PLEKHM2: variants seen among roughly 807,000 people sequenced by gnomAD.
The protein encoded by PLEKHM2 is pleckstrin homology and RUN domain containing M2.
Under a neutral mutation model 116.3 loss-of-function variants are expected in PLEKHM2, and 77 were observed. The observed-to-expected ratio is 0.66, with a 90% CI of 0.55 to 0.80. PLEKHM2 has a LOEUF of 0.80. Ranked by LOEUF, PLEKHM2 falls within the 30% of genes least tolerant of loss-of-function variation. The pLI is 0.00. For synonymous variants in PLEKHM2, 562 were observed against 571.0 expected (o/e 0.98, Z 0.22); for missense variants, 1,183 against 1,354.9 (o/e 0.87, Z 1.99).
Position 15,734,680 on chromosome 1 carries a change from C to T in PLEKHM2, c.*746C>T, listed in dbSNP as rs1231355052. ...CCTGCTTGGCTGGAGCCAGGCCCTT[C>T]CCTAGAGTTTCGTCAAGAGCCTCCT... is the stretch of plus-strand genomic sequence containing the variant. On this transcript the variant is annotated 3_prime_UTR_variant, in exon 20 of 20. Coordinates refer to ENST00000375799, the MANE Select transcript of PLEKHM2 (RefSeq NM_015164.4). 1 of 152,156 alleles carries T rather than the reference C, an allele frequency of 6.6e-6. No individual in the cohort carries two copies. Among genetic ancestry groups the T allele is most frequent in the South Asian group, 2.1e-4 (1 of 4,824 alleles). 9.4% of individuals were successfully genotyped at this position (152,156 alleles called of 1,614,324 possible). A position where few individuals can be genotyped will look rare whatever the true frequency, so the allele number is the denominator to read the frequency against.
chr1:15,717,711 C>T (rs1322785611), intron 3 of PLEKHM2, among the ~76,000 whole-genome samples, 182 bp from the exon 4 acceptor site: 8 of 152,222 alleles, frequency 5.3e-5, no homozygotes, highest in African/African-American at 1.9e-4. Flanking sequence ...TGGCCAGCTA[C>T]ATGCTGAGGT....
At position 15,734,026 on chromosome 1, in the gene PLEKHM2, C is replaced by G; in HGVS notation, c.*92C>G. 7.1e-7 allele frequency: 1 copy of G among 1,404,746 alleles called. No homozygotes were observed. Among genetic ancestry groups the G allele is most frequent in the South Asian group, 1.4e-5 (1 of 73,750 alleles). The allele number at this position is 1,404,746 out of a possible 1,614,324, so 87.0% of individuals were successfully genotyped here. ...ACGGCTGTTGTCATGCTGTCGGGAG[C>G]CTACAGTCCACCCCTGCCCTGGGCG... On this transcript the variant is annotated 3_prime_UTR_variant, in exon 20 of 20. Transcript: ENST00000375799.
upstream of PLEKHM2, among the ~76,000 whole-genome samples, chr1:15,683,687 G>GC (rs1343336341): frequency 6.7e-6 from 1 of 148,776 alleles, no homozygotes; most frequent in Non-Finnish European, 1.5e-5. Context: ...AGGGCTGGGG[G>GC]CCCAGGGTCT....
At position 15,702,035 on chromosome 1, in the gene PLEKHM2, G is replaced by A. The variant is rs542567835; in HGVS notation, c.61-14202G>A. On this transcript the variant is annotated intron_variant, in intron 1 of 19. Coordinates refer to ENST00000375799, the MANE Select transcript of PLEKHM2 (RefSeq NM_015164.4). ...GCCCTTCTCCAGCTGTCACTGATACGGACGGGTCGCCCAAAGGTAAATGAC... is the reference window on the plus strand; with the variant it reads ...GCCCTTCTCCAGCTGTCACTGATACAGACGGGTCGCCCAAAGGTAAATGAC... Among the ~76,000 whole-genome samples, 5 of 152,294 alleles carry A rather than the reference G, an allele frequency of 3.3e-5. No individual in the cohort carries two copies. The South Asian group carries it at 1.0e-3, about 32-fold the overall frequency.
At chr1:15,724,012 A>G (rs1171260671) in intron 7 of PLEKHM2, among the ~76,000 whole-genome samples, 1 of 152,118 alleles carries the variant, frequency 6.6e-6, no homozygotes, top group Non-Finnish European at 1.5e-5. Flanking sequence ...GGTGGCTCCC[A>G]TCTGCCACTG....
chr1:15,722,722 C>T (rs76406711), intron 7 of PLEKHM2: 16 of 152,326 alleles, frequency 1.1e-4, no homozygotes, highest in African/African-American at 3.8e-4. Flanking sequence ...CCAAGAGTAG[C>T]ATTGAAGGGT....
intron 1 of PLEKHM2, among the ~76,000 whole-genome samples, chr1:15,712,137 AAAG>A (rs1189717311): frequency 2.0e-5 from 3 of 151,804 alleles, no homozygotes; most frequent in Admixed American, 6.6e-5. Flanking sequence ...AAAAAAAAAA[AAAG>A]AGCTGCAACA....
At position 15,731,989 on chromosome 1, in the gene PLEKHM2, G is replaced by A. The variant is rs145743094; in HGVS notation, c.2566G>A (p.Glu856Lys). 1,070 of 1,612,454 alleles carry A rather than the reference G, an allele frequency of 6.6e-4. 1 individual carries two copies. The highest frequency in any genetic ancestry group is 8.6e-4 in the Non-Finnish European group (1,020 of 1,179,692). Residue 856 changes from glutamate to lysine, a missense_variant, in exon 17 of 20, where the codon GAG becomes AAG. Glu to Lys is a moderately conservative substitution (Grantham distance 56). Around this residue, in one of 3 missense-constraint regions of PLEKHM2, gnomAD observed 594 missense variants for 720.1 expected, o/e 0.82. Coordinates refer to ENST00000375799, the MANE Select transcript of PLEKHM2 (RefSeq NM_015164.4). ...SDRPCLELSA[E>K]SEAEMAEWMQ... ...CCGGCCCTGCCTGGAGCTAAGTGCC[G>A]AGAGCGAGGCCGAGATGGCCGAGTG...
At chr1:15,686,024 C>T (rs1010819466) in intron 1 of PLEKHM2, among the ~76,000 whole-genome samples, 2 of 152,104 alleles carry the variant, frequency 1.3e-5, no homozygotes, top group African/African-American at 2.4e-5. Context: ...GTAGGCCCGG[C>T]GTTTGTCTTT....
Position 15,734,087 on chromosome 1 carries a change from TC to T in PLEKHM2, c.*155del. The T allele has an allele frequency of 1.2e-6, 1 of 813,758 alleles. No homozygotes were observed. The highest frequency in any genetic ancestry group is 1.9e-6 in the Non-Finnish European group (1 of 539,294). The allele number at this position is 813,758 out of a possible 1,614,324, so 50.4% of individuals were successfully genotyped here. On this transcript the variant is annotated 3_prime_UTR_variant, in exon 20 of 20. Transcript: ENST00000375799. ...CGAGTGTGGCTTAAGACAGGGTCCC[TC>T]CACTCCAGGGATCCAGATCAGGTGC...
chr1:15,724,500 A>G (rs2068035900), intron 7 of PLEKHM2, among the ~76,000 whole-genome samples: 2 of 151,190 alleles, frequency 1.3e-5, no homozygotes, highest in Non-Finnish European at 2.9e-5. Flanking sequence ...AAAAAAAGAA[A>G]GAAATGGAGT....
intron 7 of PLEKHM2, 105 bp from the exon 8 acceptor site, chr1:15,725,212 G>A: frequency 2.6e-6 from 2 of 760,564 alleles, no homozygotes; most frequent in Non-Finnish European, 2.2e-6. Flanking sequence ...GTTTCCCTGG[G>A]AGGAACTGGC....
Position 15,728,426 on chromosome 1 carries a change from C to A in PLEKHM2, c.1921+69C>A. The stretch of plus-strand genomic sequence containing the variant: ...GACTCTCAGCCCCTTTTCCCCAGTC[C>A]CCTTGCCCTCTGAGTGCCTCCCGGC... On this transcript the variant is annotated intron_variant, in intron 11 of 19. Transcript: ENST00000375799. The surrounding 1 kb of genome is among the most constrained non-coding windows in gnomAD (Gnocchi z 5.9). The A allele has an allele frequency of 2.1e-6, 3 of 1,408,092 alleles. No homozygotes were observed. Among genetic ancestry groups the A allele is most frequent in the Non-Finnish European group, 3.0e-6 (3 of 1,016,314 alleles). The allele number at this position is 1,408,092 out of a possible 1,614,324, so 87.2% of individuals were successfully genotyped here. A position where few individuals can be genotyped will look rare whatever the true frequency, so the allele number is the denominator to read the frequency against.
rs780487076 is a variant in PLEKHM2, at chr1:15,719,809, C to T, written c.541C>T (p.Arg181Cys). ...KPQYLLDFED[R>C]LPSSVHGSDS... is the part of the protein sequence containing the mutation. ...TCAGTACCTGCTGGACTTTGAAGAC[C>T]GCCTTCCCAGCTCGGTCCACGGCTC... The change falls in exon 6 of 20, where the codon CGC (arginine) becomes TGC (cysteine). Residue 181 changes from arginine to cysteine, a missense_variant. By Grantham distance (180) the Arg-to-Cys change is radical. This residue lies in a region of PLEKHM2 where 217 missense variants were observed against 277.6 expected (regional missense o/e 0.78). Coordinates refer to ENST00000375799, the MANE Select transcript of PLEKHM2 (RefSeq NM_015164.4). The surrounding 1 kb of genome is among the most constrained non-coding windows in gnomAD (Gnocchi z 4.1). 40 of 1,613,610 alleles carry T rather than the reference C, an allele frequency of 2.5e-5. No individual in the cohort carries two copies. In the East Asian group the frequency reaches 4.9e-4, roughly 20 times the overall value.
chr1:15,727,974 C>A lies in PLEKHM2; in HGVS notation c.1761-105C>A, dbSNP rs1395783666. The stretch of plus-strand genomic sequence containing the variant: ...TGTGAGCCTCCCTCCCTAACTTTGG[C>A]TCCTAGTGGGAGGCGGAGGCACTAC... On this transcript the variant is annotated intron_variant, in intron 9 of 19. Transcript: ENST00000375799. This position sits in a 1 kb window ranked among gnomAD's most constrained non-coding sequence, Gnocchi z 7.5. 5.7e-6 allele frequency: 7 copies of A among 1,221,922 alleles called. No individual in the cohort carries two copies. The African/African-American group carries it at 7.5e-5, about 13-fold the overall frequency. 75.7% of individuals were successfully genotyped at this position (1,221,922 alleles called of 1,614,324 possible).
At chr1:15,704,756 G>A (rs1199574589) in intron 1 of PLEKHM2, among the ~76,000 whole-genome samples, 1 of 152,048 alleles carries the variant, frequency 6.6e-6, no homozygotes, top group Non-Finnish European at 1.5e-5. Context: ...TCCCTTTTAG[G>A]CCCCTGCTGC....
At position 15,721,414 on chromosome 1, in the gene PLEKHM2, CTT is replaced by C. The variant is rs1359435427; in HGVS notation, c.712+29_712+30del. The C allele has an allele frequency of 5.4e-6, 8 of 1,479,458 alleles. No individual in the cohort carries two copies. The highest frequency in any genetic ancestry group is 1.7e-4 in the Middle Eastern group (1 of 5,904). 91.6% of individuals were successfully genotyped at this position (1,479,458 alleles called of 1,614,324 possible). ...GTGGGCCAGAGTCCGCTGTTACCCTCTTTTCCTGTTTTGCAATGTTTCCATGC... is the reference window on the plus strand; with the variant it reads ...GTGGGCCAGAGTCCGCTGTTACCCTCTTCCTGTTTTGCAATGTTTCCATGC... On this transcript the variant is annotated intron_variant, in intron 7 of 19. Transcript: ENST00000375799. The surrounding 1 kb of genome is among the most constrained non-coding windows in gnomAD (Gnocchi z 5.1).
At chr1:15,698,266 C>T (rs892205939) in intron 1 of PLEKHM2, among the ~76,000 whole-genome samples, 1 of 152,038 alleles carries the variant, frequency 6.6e-6, no homozygotes, top group Non-Finnish European at 1.5e-5. Context: ...CTGCAGTACA[C>T]AACCATAACT....
Position 15,719,707 on chromosome 1 carries a change from A to G in PLEKHM2, c.466-27A>G. 3.8e-6 allele frequency: 6 copies of G among 1,571,988 alleles called. No individual in the cohort carries two copies. Among genetic ancestry groups the G allele is most frequent in the Non-Finnish European group, 5.2e-6 (6 of 1,146,610 alleles). On this transcript the variant is annotated intron_variant, in intron 5 of 19. Transcript: ENST00000375799. This position sits in a 1 kb window ranked among gnomAD's most constrained non-coding sequence, Gnocchi z 4.1. ...GGCCGCTGCACGAGGCCTCCCACCA[A>G]ACGGGCCTCCTCTACTCTCTCCTCA... is the stretch of plus-strand genomic sequence containing the variant.
Sources: allele counts gnomAD v4.1 joint callset (sites outside exome capture counted in the v4.1 genomes callset), GRCh38; gene constraint gnomAD v4.1.1; regional missense constraint gnomAD v4.1.1; non-coding constraint Gnocchi (gnomAD v3.1); transcripts MANE v1.5; gene names NCBI Gene and HGNC (gene_info 2026-07-23, HGNC 2026-07-21).